The following AGO3 variants were observed in gnomAD, a reference collection of about 807,000 sequenced individuals.
AGO3 encodes protein argonaute-3.
AGO3 carries 16 observed loss-of-function variants against 105.5 expected under a neutral mutation model. The observed-to-expected ratio is 0.15, with a 90% CI of 0.10 to 0.23. The LOEUF (loss-of-function observed/expected upper bound fraction) is 0.23, where lower values mean the gene tolerates loss of function less well. Among genes scored for constraint, AGO3 ranks in the 10% least tolerant of loss-of-function variants. AGO3 has a pLI of 1.00. For synonymous variants in AGO3, 340 were observed against 367.3 expected, an observed-to-expected ratio of 0.93 and a Z score of 0.85; for missense variants, 534 against 1,088.0, an observed-to-expected ratio of 0.49 and a Z score of 7.16.
intron 5 of AGO3, among the ~76,000 whole-genome samples, chr1:35,999,581 C>T (rs936645021): frequency 6.6e-6 from 1 of 152,152 alleles, no homozygotes; most frequent in African/African-American, 2.4e-5. Flanking sequence ...AGGTCTTATA[C>T]ACCTTTTGTT....
chr1:35,938,255 A>T (rs1310357377), intron 1 of AGO3, among the ~76,000 whole-genome samples: 1 of 152,124 alleles, frequency 6.6e-6, no homozygotes, highest in Non-Finnish European at 1.5e-5. Flanking sequence ...AAGTGCTGGG[A>T]TTACAGGTAT....
chr1:36,003,712 ATAT>A (rs1557678521), intron 5 of AGO3, among the ~76,000 whole-genome samples: 208 of 100,862 alleles, frequency 2.1e-3, no homozygotes, highest in Admixed American at 5.5e-3. Context: ...AAAAAAAAAT[ATAT>A]ATATATATAT....
At chr1:36,046,792 T>C (rs1642492192) in intron 17 of AGO3, among the ~76,000 whole-genome samples, 1 of 152,012 alleles carries the variant, frequency 6.6e-6, no homozygotes, top group Non-Finnish European at 1.5e-5. Context: ...AGGGAAACCA[T>C]GTCTGGGCCA....
At chr1:35,947,729 C>T (rs965659860) in intron 2 of AGO3, among the ~76,000 whole-genome samples, 1 of 152,110 alleles carries the variant, frequency 6.6e-6, no homozygotes, top group Non-Finnish European at 1.5e-5. Context: ...TTTTGGTCTT[C>T]CTTCACTCTC....
At chr1:36,017,672 G>A (rs1029784205) in intron 11 of AGO3, among the ~76,000 whole-genome samples, 4 of 152,108 alleles carry the variant, frequency 2.6e-5, no homozygotes, top group Non-Finnish European at 4.4e-5. Context: ...GGAGGCTGAG[G>A]TGGGCAGATT....
intron 5 of AGO3, among the ~76,000 whole-genome samples, chr1:35,996,591 C>G (rs1226401452): frequency 6.6e-6 from 1 of 151,610 alleles, no homozygotes; most frequent in East Asian, 1.9e-4. Context: ...ACCAACATGG[C>G]GAAACCCCAT....
chr1:35,964,285 C>A (rs922741073), intron 2 of AGO3, among the ~76,000 whole-genome samples: 3 of 152,096 alleles, frequency 2.0e-5, no homozygotes, highest in Non-Finnish European at 4.4e-5. Flanking sequence ...CTACCCTCTA[C>A]CCTCTGGTAG....
At chr1:36,010,917 A>AG (rs1457061857) in intron 9 of AGO3, among the ~76,000 whole-genome samples, 9 of 150,324 alleles carry the variant, frequency 6.0e-5, no homozygotes, top group Admixed American at 3.3e-4. Flanking sequence ...AAAAAAAAAA[A>AG]AGAGAGAGAG....
intron 5 of AGO3, among the ~76,000 whole-genome samples, chr1:35,996,185 C>T (rs1214620067): frequency 2.0e-5 from 3 of 151,584 alleles, no homozygotes; most frequent in Non-Finnish European, 4.4e-5. Flanking sequence ...ATTAGCTGAG[C>T]GTGGTGGTGC....
chr1:35,937,219 T>C (rs978009206), intron 1 of AGO3, among the ~76,000 whole-genome samples: 7 of 152,096 alleles, frequency 4.6e-5, no homozygotes, highest in African/African-American at 1.7e-4. Flanking sequence ...CTGACCAAAA[T>C]GGTGAAACCT....
At chr1:35,993,905 GC>G (rs1353655706) in intron 5 of AGO3, among the ~76,000 whole-genome samples, 13 of 151,160 alleles carry the variant, frequency 8.6e-5, no homozygotes, top group Non-Finnish European at 1.5e-4. Flanking sequence ...GCACCACCAT[GC>G]CCGGCTAATT....
At chr1:36,013,014 G>A (rs2148818400) in intron 9 of AGO3, among the ~76,000 whole-genome samples, 2 of 151,620 alleles carry the variant, frequency 1.3e-5, no homozygotes, top group African/African-American at 4.8e-5. Flanking sequence ...ACAGCCCACT[G>A]CAGCCTTGAG....
Position 35,931,417 on chromosome 1 carries a change from A to G in AGO3, c.-10A>G, listed in dbSNP as rs912579225. On this transcript the variant is annotated 5_prime_UTR_variant, in exon 1 of 19. Transcript: ENST00000373191. ...CGTTCTCCCTCGAAGCACTCCCCCC[A>G]GCTCCATGAATGGAAATCGGCTCCG... 16 of 1,503,896 alleles carry G rather than the reference A, an allele frequency of 1.1e-5. No homozygotes were observed. In the South Asian group the frequency reaches 1.8e-4, roughly 17 times the overall value. 93.2% of individuals were successfully genotyped at this position (1,503,896 alleles called of 1,614,324 possible). A position where few individuals can be genotyped will look rare whatever the true frequency, so the allele number is the denominator to read the frequency against.
At chr1:35,932,671 T>C (rs982066385) in intron 1 of AGO3, among the ~76,000 whole-genome samples, 9 of 151,992 alleles carry the variant, frequency 5.9e-5, no homozygotes, top group African/African-American at 1.9e-4. Flanking sequence ...TCTTAAAAGG[T>C]CTGTCTGGAT....
intron 9 of AGO3, among the ~76,000 whole-genome samples, chr1:36,010,735 C>T (rs764579320): frequency 1.3e-5 from 2 of 151,700 alleles, no homozygotes; most frequent in African/African-American, 4.8e-5. Flanking sequence ...AGAGAAACTC[C>T]GTGTCTACTA....
At chr1:35,947,726 C>A (rs1163328280) in intron 2 of AGO3, among the ~76,000 whole-genome samples, 1 of 152,108 alleles carries the variant, frequency 6.6e-6, no homozygotes, top group African/African-American at 2.4e-5. Flanking sequence ...TGGTTTTGGT[C>A]TTCCTTCACT....
At chr1:35,961,823 T>C (rs533483190) in intron 2 of AGO3, among the ~76,000 whole-genome samples, 2 of 152,336 alleles carry the variant, frequency 1.3e-5, no homozygotes, top group African/African-American at 4.8e-5. Flanking sequence ...TTTTTACTTT[T>C]GAGGAAGCTA....
rs182456214 is a variant in AGO3, at chr1:36,047,255, G to A, written c.2274+3707G>A. Among the ~76,000 whole-genome samples the A allele has an allele frequency of 2.4e-4, 37 of 151,748 alleles. No homozygotes were observed. In the East Asian group the frequency reaches 5.3e-3, roughly 22 times the overall value. ...CGAAACTCTGCCTAAAAAAAAGATC[G>A]GGAAAGCAATTCACAATATGAACAA... On this transcript the variant is annotated intron_variant, in intron 17 of 18. Transcript: ENST00000373191.
intron 5 of AGO3, among the ~76,000 whole-genome samples, chr1:35,996,819 A>G (rs992140925): frequency 5.3e-5 from 8 of 152,130 alleles, no homozygotes; most frequent in Admixed American, 3.9e-4. Context: ...CCTTGAGAAG[A>G]TGCAGAACAT....
Sources: allele counts gnomAD v4.1 joint callset (sites outside exome capture counted in the v4.1 genomes callset), GRCh38; gene constraint gnomAD v4.1.1; transcripts MANE v1.5; gene names NCBI Gene and HGNC (gene_info 2026-07-23, HGNC 2026-07-21).